NKAIN2: variants seen among roughly 807,000 people sequenced by gnomAD.
NKAIN2 encodes sodium/potassium-transporting ATPase subunit beta-1-interacting protein 2.
In NKAIN2, 14 loss-of-function variants were observed where a neutral mutation model predicts 32.6. The ratio of observed to expected loss-of-function variants is 0.43; its 90% CI spans 0.28 to 0.67. The LOEUF (loss-of-function observed/expected upper bound fraction) is 0.67. Ranked by LOEUF, NKAIN2 falls within the 30% of genes least tolerant of loss-of-function variation. The pLI is 0.17. For missense variants in NKAIN2, 198 were observed against 258.3 expected (o/e 0.77, Z 1.60); for synonymous variants, 80 against 87.2 (o/e 0.92, Z 0.46).
At chr6:124,649,064 T>C (rs1376293993) in intron 3 of NKAIN2, among the ~76,000 whole-genome samples, 1 of 152,058 alleles carries the variant, frequency 6.6e-6, no homozygotes, top group African/African-American at 2.4e-5. Context: ...CCTTCCAATT[T>C]ATCACTCTAG....
chr6:124,544,302 C>T (rs1240017289), intron 3 of NKAIN2, among the ~76,000 whole-genome samples: 2 of 151,504 alleles, frequency 1.3e-5, no homozygotes, highest in African/African-American at 4.9e-5. Flanking sequence ...AACTTCTTTT[C>T]CCTCCACCCC....
intron 2 of NKAIN2, among the ~76,000 whole-genome samples, chr6:124,332,262 G>A (rs910386225): frequency 3.3e-5 from 5 of 151,134 alleles, no homozygotes; most frequent in Admixed American, 2.6e-4. Context: ...GAGAGAGAGA[G>A]AAAGAGAAAG....
chr6:124,127,139 A>G (rs1448949688), intron 1 of NKAIN2, among the ~76,000 whole-genome samples: 1 of 152,226 alleles, frequency 6.6e-6, no homozygotes, highest in Non-Finnish European at 1.5e-5. Context: ...TTTGGGCATC[A>G]GTGATGTAAG....
chr6:124,396,940 C>G (rs117564044), intron 3 of NKAIN2, among the ~76,000 whole-genome samples: 1,526 of 152,134 alleles, frequency 0.01, 109 homozygotes, highest in Admixed American at 0.092. Flanking sequence ...AACATTAGAA[C>G]TTTATGATTT....
At chr6:124,628,515 G>T (rs2114295443) in intron 3 of NKAIN2, among the ~76,000 whole-genome samples, 1 of 151,658 alleles carries the variant, frequency 6.6e-6, no homozygotes. Context: ...AGTCACTTGG[G>T]GATAGATGTT....
At chr6:123,976,405 A>G (rs1309927176) in intron 1 of NKAIN2, among the ~76,000 whole-genome samples, 1 of 62,824 alleles carries the variant, frequency 1.6e-5, no homozygotes, top group Non-Finnish European at 3.3e-5. Flanking sequence ...ATATATATAT[A>G]TATATATATA....
intron 1 of NKAIN2, among the ~76,000 whole-genome samples, chr6:123,935,914 C>T (rs1294329832): frequency 1.3e-5 from 2 of 151,882 alleles, no homozygotes; most frequent in African/African-American, 4.8e-5. Context: ...TTTGTTCACT[C>T]TTTCTTTAGG....
chr6:124,343,890 A>C (rs1798268667), intron 2 of NKAIN2, among the ~76,000 whole-genome samples: 1 of 134,852 alleles, frequency 7.4e-6, no homozygotes, highest in Admixed American at 7.6e-5. Flanking sequence ...GGTGTTTTAG[A>C]CATGAAGTCG....
At chr6:124,458,454 T>C (rs1483366558) in intron 3 of NKAIN2, among the ~76,000 whole-genome samples, 4 of 151,884 alleles carry the variant, frequency 2.6e-5, no homozygotes, top group Non-Finnish European at 5.9e-5. Context: ...GCTACAGCTC[T>C]CTCTCTGCTG....
intron 3 of NKAIN2, among the ~76,000 whole-genome samples, chr6:124,649,883 G>A (rs942691840): frequency 1.2e-4 from 18 of 152,068 alleles, no homozygotes; most frequent in African/African-American, 1.7e-4. Context: ...GATGTACATC[G>A]TATCAATAGA....
chr6:124,249,460 T>C (rs570854398), intron 1 of NKAIN2, among the ~76,000 whole-genome samples: 1 of 152,260 alleles, frequency 6.6e-6, no homozygotes, highest in African/African-American at 2.4e-5. Flanking sequence ...GTTTTATACA[T>C]GTCAATTTAT....
chr6:124,158,819 C>A (rs1245437179), intron 1 of NKAIN2, among the ~76,000 whole-genome samples: 1 of 152,012 alleles, frequency 6.6e-6, no homozygotes, highest in Non-Finnish European at 1.5e-5. Context: ...AGATCTAGCC[C>A]ATCAGATACA....
At chr6:124,716,056 G>C (rs1008413021) in intron 4 of NKAIN2, among the ~76,000 whole-genome samples, 3 of 152,214 alleles carry the variant, frequency 2.0e-5, no homozygotes, top group African/African-American at 7.2e-5. Flanking sequence ...TGAACCCAGA[G>C]ATTTAAAGTC....
At chr6:123,875,200 T>A (rs9372760) in intron 1 of NKAIN2, among the ~76,000 whole-genome samples, 53,234 of 151,684 alleles carry the variant, frequency 0.35, 9,585 homozygotes, top group African/African-American at 0.4. Context: ...TTCTAAACAC[T>A]TTTTTTTACA....
At chr6:124,184,762 TA>T (rs1305298482) in intron 1 of NKAIN2, among the ~76,000 whole-genome samples, 1 of 152,156 alleles carries the variant, frequency 6.6e-6, no homozygotes, top group Non-Finnish European at 1.5e-5. Flanking sequence ...TATCTTTATT[TA>T]GTCCCAGAAT....
intron 1 of NKAIN2, among the ~76,000 whole-genome samples, chr6:124,168,853 A>G (rs1788703052): frequency 6.6e-6 from 1 of 152,090 alleles, no homozygotes; most frequent in African/African-American, 2.4e-5. Context: ...TCAGAGTACT[A>G]TTCTTTTGCA....
intron 5 of NKAIN2, among the ~76,000 whole-genome samples, chr6:124,805,469 A>T (rs914609646): frequency 3.3e-5 from 5 of 152,200 alleles, no homozygotes; most frequent in Non-Finnish European, 7.4e-5. Flanking sequence ...CAGAAAGGAC[A>T]TCCACACCAA....
chr6:123,883,367 G>A (rs1227598500), intron 1 of NKAIN2, among the ~76,000 whole-genome samples: 1 of 151,996 alleles, frequency 6.6e-6, no homozygotes, highest in Non-Finnish European at 1.5e-5. Context: ...GGATGGTCTC[G>A]ATCTCCTGAC....
intron 1 of NKAIN2, among the ~76,000 whole-genome samples, chr6:124,177,227 CA>C (rs1789201097): frequency 6.6e-6 from 1 of 151,976 alleles, no homozygotes; most frequent in Admixed American, 6.6e-5. Context: ...TTGGAGAAAA[CA>C]AAAAAGCATT....
Sources: gnomAD v4.1 joint callset for allele counts (sites outside exome capture counted in the v4.1 genomes callset) on GRCh38, gnomAD v4.1.1 for gene constraint, MANE v1.5 for transcripts, NCBI Gene and HGNC (gene_info 2026-07-23, HGNC 2026-07-21) for gene names.